HECW1: variants seen among roughly 807,000 people sequenced by gnomAD.
The protein encoded by HECW1 is E3 ubiquitin-protein ligase HECW1.
Under a neutral mutation model 182.3 loss-of-function variants are expected in HECW1, and 61 were observed. The ratio of observed to expected loss-of-function variants is 0.33; its 90% CI spans 0.27 to 0.41. The LOEUF is 0.41. HECW1 is among the 10% of genes least tolerant of loss of function. HECW1 has a pLI of 1.00. For synonymous variants in HECW1, 859 were observed against 832.6 expected, an observed-to-expected ratio of 1.03 and a Z score of -0.55; for missense variants, 1,739 against 2,108.9, an observed-to-expected ratio of 0.82 and a Z score of 3.44.
Position 43,345,799 on chromosome 7 carries a change from T to TACACAC in HECW1, c.461-15063_461-15058dup, listed in dbSNP as rs58255657. Among the ~76,000 whole-genome samples the TACACAC allele has an allele frequency of 5.3e-5, 8 of 150,790 alleles. No homozygotes were observed. The South Asian group carries it at 1.3e-3, about 24-fold the overall frequency. ...GTTGTGTAGTATTCCATCATATATATACACACACACACACACACACACACA... is the reference window on the plus strand; with the variant it reads ...GTTGTGTAGTATTCCATCATATATATACACACACACACACACACACACACACACACA... On this transcript the variant is annotated intron_variant, in intron 5 of 29. Transcript: ENST00000395891.
At chr7:43,252,200 T>C (rs1013650313) in intron 3 of HECW1, among the ~76,000 whole-genome samples, 3 of 152,218 alleles carry the variant, frequency 2.0e-5, no homozygotes, top group Admixed American at 2.0e-4. Context: ...GGTTTTTCTC[T>C]GGGCAATGCC....
At chr7:43,319,876 G>A (rs1809873250) in intron 4 of HECW1, among the ~76,000 whole-genome samples, 1 of 148,870 alleles carries the variant, frequency 6.7e-6, no homozygotes, top group South Asian at 2.1e-4. Flanking sequence ...GCCTCTCAAA[G>A]TGCTGGGATT....
At chr7:43,147,365 T>G (rs1328096517) in intron 2 of HECW1, 2 of 152,222 alleles carry the variant, frequency 1.3e-5, no homozygotes, top group African/African-American at 4.8e-5. Context: ...GCCCTTTGCT[T>G]GAAGAAACAT....
At chr7:43,153,662 A>G (rs1370219388) in intron 2 of HECW1, among the ~76,000 whole-genome samples, 1 of 152,170 alleles carries the variant, frequency 6.6e-6, no homozygotes, top group Non-Finnish European at 1.5e-5. Flanking sequence ...TCCAAGAGCT[A>G]TGTGGCATCT....
At chr7:43,129,797 G>A (rs994651714) in intron 2 of HECW1, among the ~76,000 whole-genome samples, 5 of 152,108 alleles carry the variant, frequency 3.3e-5, no homozygotes, top group Admixed American at 6.5e-5. Context: ...TGCTCAAGTC[G>A]CTGGTATACG....
rs1344621405 is a variant in HECW1 at position 43,444,431 on chromosome 7, C to T, written c.1259C>T (p.Ala420Val). Residue 420 changes from alanine (A) to valine (V), a missense_variant, in exon 11 of 30, where the codon GCA becomes GTA. Coordinates refer to ENST00000395891, the MANE Select transcript of HECW1 (RefSeq NM_015052.5). This position sits in a 1 kb window ranked among gnomAD's most constrained non-coding sequence, Gnocchi z 4.3. ...IELSRPAEEA[A>V]VITEAGDQGM... ...CTTTCCAGACCAGCTGAGGAAGCAG[C>T]AGTCATCACGGAGGCAGGAGACCAG... 4 of 1,613,984 alleles carry T rather than the reference C, an allele frequency of 2.5e-6. No individual in the cohort carries two copies. The highest frequency in any genetic ancestry group is 1.6e-4 in the Middle Eastern group (1 of 6,062).
chr7:43,358,127 C>T (rs1329273249), intron 5 of HECW1, among the ~76,000 whole-genome samples: 1 of 152,122 alleles, frequency 6.6e-6, no homozygotes, highest in East Asian at 1.9e-4. Context: ...CCTTTCCACC[C>T]AACTGAGATG....
rs542873283 is a variant in HECW1 at position 43,445,240 on chromosome 7, A to C, written c.2068A>C (p.Thr690Pro). ...PSCYSSSCYS[T>P]SCYSSSCYSA... is the part of the protein sequence containing the mutation. ...GTGCTACAGCTCCTCGTGCTACAGC[A>C]CGTCCTGCTACAGCAGCTCGTGCTA... Residue 690 changes from threonine to proline, a missense_variant, in exon 11 of 30, where the codon ACG becomes CCG. Thr to Pro is a conservative substitution (Grantham distance 38). This residue lies in a region of HECW1 where 971 missense variants were observed against 1,029.1 expected (regional missense o/e 0.94). Coordinates refer to ENST00000395891, the MANE Select transcript of HECW1 (RefSeq NM_015052.5). 1.2e-6 allele frequency: 2 copies of C among 1,613,138 alleles called. No individual in the cohort carries two copies. The highest frequency in any genetic ancestry group is 1.7e-5 in the Admixed American group (1 of 60,012).
Position 43,416,637 on chromosome 7 carries a change from G to A in HECW1, c.801+8906G>A, listed in dbSNP as rs1381229737. On this transcript the variant is annotated intron_variant, in intron 8 of 29. Transcript: ENST00000395891. ...GCACCCCTCCCCCAGCCTCGCTGCC[G>A]CCTTGCAGTTTGATCTCAGACTGCT... Among the ~76,000 whole-genome samples the A allele has an allele frequency of 4.7e-5, 7 of 149,042 alleles. No individual in the cohort carries two copies. The East Asian group carries it at 7.9e-4, about 17-fold the overall frequency.
At position 43,548,311 on chromosome 7, in the gene HECW1, C is replaced by T. The variant is rs576357188; in HGVS notation, c.4249-2134C>T. Among the ~76,000 whole-genome samples, 305 of 151,380 alleles carry T rather than the reference C, an allele frequency of 2.0e-3. 1 individual carries two copies. The highest frequency in any genetic ancestry group is 7.0e-3 in the African/African-American group (290 of 41,206). ...TATGCAGGTCATCTGCGAGTTTTTT[C>T]AAATTGTTGTAAGTCTCCAAAAAAA... On this transcript the variant is annotated intron_variant, in intron 26 of 29. Transcript: ENST00000395891.
At chr7:43,553,152 C>G (rs1329379519) in intron 28 of HECW1, among the ~76,000 whole-genome samples, 1 of 152,198 alleles carries the variant, frequency 6.6e-6, no homozygotes, top group Non-Finnish European at 1.5e-5. Flanking sequence ...ACCTGTCTTC[C>G]TGAAACATTG....
rs547896586 is a variant in HECW1, at chr7:43,193,425, A to G, written c.-31-50450A>G. ...GAGATGGAAACTTGCTCTGTCGCCCAGGCTGGAGTGCAATGGTGCAATCTT... is the reference window on the plus strand; with the variant it reads ...GAGATGGAAACTTGCTCTGTCGCCCGGGCTGGAGTGCAATGGTGCAATCTT... On this transcript the variant is annotated intron_variant, in intron 2 of 29. Coordinates refer to ENST00000395891, the MANE Select transcript of HECW1 (RefSeq NM_015052.5). Among the ~76,000 whole-genome samples the G allele has an allele frequency of 5.3e-5, 8 of 152,098 alleles. No individual in the cohort carries two copies. In the East Asian group the frequency reaches 1.5e-3, roughly 29 times the overall value.
At chr7:43,461,320 A>G (rs867304617) in intron 13 of HECW1, among the ~76,000 whole-genome samples, 2 of 152,234 alleles carry the variant, frequency 1.3e-5, no homozygotes, top group African/African-American at 4.8e-5. Context: ...ACCTCAGAGC[A>G]TGGCTGCTAA....
At chr7:43,250,756 G>A (rs1488376628) in intron 3 of HECW1, among the ~76,000 whole-genome samples, 2 of 152,114 alleles carry the variant, frequency 1.3e-5, no homozygotes, top group African/African-American at 4.8e-5. Context: ...TGATTTTTTA[G>A]GTTTGATTTT....
At chr7:43,534,806 A>G (rs1357663458) in intron 24 of HECW1, among the ~76,000 whole-genome samples, 1 of 152,236 alleles carries the variant, frequency 6.6e-6, no homozygotes, top group Non-Finnish European at 1.5e-5. Context: ...AGGAAATTTC[A>G]GGCTAGCCAC....
chr7:43,541,651 T>C (rs1024689085), intron 25 of HECW1, among the ~76,000 whole-genome samples: 1 of 152,264 alleles, frequency 6.6e-6, no homozygotes, highest in African/African-American at 2.4e-5. Context: ...AGTTATTTCA[T>C]GTTTGTTATT....
chr7:43,442,212 G>T (rs148991837), intron 9 of HECW1, among the ~76,000 whole-genome samples: 14 of 152,288 alleles, frequency 9.2e-5, no homozygotes, highest in Non-Finnish European at 1.9e-4. Flanking sequence ...TTGCATACTT[G>T]TAGGCTAATG....
chr7:43,348,113 G>T (rs1813924071), intron 5 of HECW1, among the ~76,000 whole-genome samples: 2 of 152,036 alleles, frequency 1.3e-5, no homozygotes, highest in Admixed American at 1.3e-4. Context: ...TCAATGTCTG[G>T]TAGAATTTTG....
At chr7:43,339,773 G>T (rs557127024) in intron 5 of HECW1, among the ~76,000 whole-genome samples, 2 of 152,110 alleles carry the variant, frequency 1.3e-5, no homozygotes, top group Admixed American at 1.3e-4. Context: ...GTCCAATTCT[G>T]GTAAGCCACA....
Sources: gnomAD v4.1 joint callset for allele counts (sites outside exome capture counted in the v4.1 genomes callset) on GRCh38, gnomAD v4.1.1 for gene constraint, gnomAD v4.1.1 regional missense constraint, Gnocchi (gnomAD v3.1) non-coding constraint, MANE v1.5 for transcripts, NCBI Gene and HGNC (gene_info 2026-07-23, HGNC 2026-07-21) for gene names.